Variants in IMMP1L observed in about 807,000 individuals in gnomAD.
IMMP1L encodes the protein mitochondrial inner membrane protease subunit 1.
Under a neutral mutation model 21.8 loss-of-function variants are expected in IMMP1L, and 24 were observed. The observed-to-expected ratio is 1.10, with a 90% confidence interval of 0.80 to 1.55. The LOEUF is 1.55. Among genes scored for constraint, IMMP1L ranks in the 40% most tolerant of loss-of-function variants. IMMP1L has a pLI of 0.00. For missense variants in IMMP1L, 195 were observed against 200.7 expected, an observed-to-expected ratio of 0.97 and a Z score of 0.17; for synonymous variants, 46 against 62.8, an observed-to-expected ratio of 0.73 and a Z score of 1.26.
chr11:31,489,975 G>A (rs1480431402), intron 1 of IMMP1L, among the ~76,000 whole-genome samples: 3 of 152,004 alleles, frequency 2.0e-5, no homozygotes, highest in East Asian at 3.9e-4. Context: ...TTTTAAATTC[G>A]ATCTTGAAAC....
chr11:31,483,870 T>C (rs577619216), intron 1 of IMMP1L, among the ~76,000 whole-genome samples: 3 of 152,022 alleles, frequency 2.0e-5, no homozygotes, highest in African/African-American at 2.4e-5. Flanking sequence ...GATAATCTGA[T>C]AATAAACTAT....
intron 1 of IMMP1L, among the ~76,000 whole-genome samples, chr11:31,479,635 C>T (rs1209442038): frequency 1.3e-5 from 2 of 151,978 alleles, no homozygotes; most frequent in Non-Finnish European, 2.9e-5. Context: ...ATTAAACACA[C>T]ATTGGACTCT....
chr11:31,490,894 A>G (rs1955231586), intron 1 of IMMP1L, among the ~76,000 whole-genome samples: 1 of 152,222 alleles, frequency 6.6e-6, no homozygotes, highest in South Asian at 2.1e-4. Flanking sequence ...AGAAAAGGAC[A>G]CAGGAAGACA....
chr11:31,468,205 A>G (rs1053971450), intron 1 of IMMP1L, among the ~76,000 whole-genome samples: 10 of 152,160 alleles, frequency 6.6e-5, no homozygotes, highest in Admixed American at 6.5e-4. Context: ...TGAATATTGT[A>G]CATAAAAATA....
rs188144973 is a variant in IMMP1L at position 31,492,777 on chromosome 11, T to C, written c.-30+16742A>G. 7.9e-5 allele frequency among the ~76,000 whole-genome samples: 12 copies of C among 152,294 alleles called. No individual in the cohort carries two copies. In the East Asian group the frequency reaches 1.4e-3, roughly 17 times the overall value. Reference sequence around the variant, plus strand: ...GAGAGCTGGGGGGACAGCTGGTTGATAGAACAGTTAGCACACATACATTTA... The same window carrying C: ...GAGAGCTGGGGGGACAGCTGGTTGACAGAACAGTTAGCACACATACATTTA... On this transcript the variant is annotated intron_variant, in intron 1 of 5. Coordinates refer to ENST00000532287, the MANE Select transcript of IMMP1L (RefSeq NM_001304274.2).
At chr11:31,509,379 T>C (rs949163531) in intron 1 of IMMP1L, 140 bp downstream of exon 1, 4 of 174,196 alleles carry the variant, frequency 2.3e-5, no homozygotes, top group African/African-American at 9.4e-5. Context: ...AGGAAAAAAG[T>C]CTATCCTCAC....
intron 4 of IMMP1L, among the ~76,000 whole-genome samples, chr11:31,453,683 A>T (rs899521641): frequency 6.6e-6 from 1 of 152,362 alleles, no homozygotes; most frequent in African/African-American, 2.4e-5. Context: ...TGTAATAGCT[A>T]CACAATTCTT....
At chr11:31,506,658 T>TAAAAAAAA (rs775050688) in intron 1 of IMMP1L, among the ~76,000 whole-genome samples, 1 of 125,218 alleles carries the variant, frequency 8.0e-6, no homozygotes. Context: ...TTATCTTTGT[T>TAAAAAAAA]AAAAAAAAAA....
chr11:31,494,924 G>A (rs1342984108), intron 1 of IMMP1L, among the ~76,000 whole-genome samples: 4 of 152,180 alleles, frequency 2.6e-5, no homozygotes, highest in Middle Eastern at 3.2e-3. Context: ...GATTACAGGC[G>A]TGAGCCACCG....
intron 1 of IMMP1L, among the ~76,000 whole-genome samples, chr11:31,490,481 A>G (rs1322679295): frequency 6.6e-6 from 1 of 152,046 alleles, no homozygotes; most frequent in Admixed American, 6.6e-5. Context: ...AAAAAAAAAA[A>G]AAAGCAGTTC....
intron 1 of IMMP1L, among the ~76,000 whole-genome samples, chr11:31,465,053 C>G (rs934951624): frequency 2.0e-5 from 3 of 152,008 alleles, no homozygotes; most frequent in Non-Finnish European, 4.4e-5. Context: ...AAGACTTCAC[C>G]AAAAATACTT....
chr11:31,445,497 T>A (rs188687128), intron 4 of IMMP1L, among the ~76,000 whole-genome samples: 1 of 152,338 alleles, frequency 6.6e-6, no homozygotes, highest in East Asian at 1.9e-4. Context: ...AAGGTTGCCA[T>A]ACTTCAAAAA....
intron 3 of IMMP1L, among the ~76,000 whole-genome samples, chr11:31,459,041 A>C (rs1432821406): frequency 6.6e-6 from 1 of 152,180 alleles, no homozygotes; most frequent in African/African-American, 2.4e-5. Flanking sequence ...CAAAGGCTAT[A>C]TAAGGATAAT....
intron 3 of IMMP1L, among the ~76,000 whole-genome samples, chr11:31,458,943 A>C (rs1043817892): frequency 7.9e-5 from 12 of 152,226 alleles, no homozygotes; most frequent in Non-Finnish European, 1.5e-4. Context: ...CAGGATGCCC[A>C]AGGATTATTG....
chr11:31,481,568 T>G (rs931774694), intron 1 of IMMP1L, among the ~76,000 whole-genome samples: 1 of 151,828 alleles, frequency 6.6e-6, no homozygotes, highest in African/African-American at 2.4e-5. Context: ...GTTAATAATA[T>G]ACATTATGGA....
intron 4 of IMMP1L, among the ~76,000 whole-genome samples, chr11:31,445,727 AT>A (rs11400521): frequency 1.3e-3 from 185 of 146,560 alleles, no homozygotes; most frequent in Admixed American, 1.2e-3. Flanking sequence ...TGACAGATGA[AT>A]TTTTTTTTTT....
intron 1 of IMMP1L, chr11:31,473,623 G>T: frequency 3.4e-6 from 1 of 296,494 alleles, no homozygotes; most frequent in Non-Finnish European, 5.0e-6. Flanking sequence ...AACCTCAGAA[G>T]CTGAAAAGAA....
chr11:31,503,188 A>C (rs1766570581), intron 1 of IMMP1L, among the ~76,000 whole-genome samples: 1 of 152,346 alleles, frequency 6.6e-6, no homozygotes, highest in South Asian at 2.1e-4. Flanking sequence ...GATCAAAGAG[A>C]AAATCAAAAC....
Position 31,448,379 on chromosome 11 carries a change from T to G in IMMP1L, c.321+7881A>C, listed in dbSNP as rs1953613955. Among the ~76,000 whole-genome samples the G allele has an allele frequency of 2.0e-5, 3 of 152,148 alleles. No homozygotes were observed. The South Asian group carries it at 6.2e-4, about 32-fold the overall frequency. ...AAGCCACATCACACTTGGAATATAT[T>G]CTCCTTACTACCAACAGAGTTTGGA... On this transcript the variant is annotated intron_variant, in intron 4 of 5. Transcript: ENST00000532287.
Sources: gnomAD v4.1 joint callset for allele counts (sites outside exome capture counted in the v4.1 genomes callset) on GRCh38, gnomAD v4.1.1 for gene constraint, MANE v1.5 for transcripts, NCBI Gene and HGNC (gene_info 2026-07-23, HGNC 2026-07-21) for gene names.